CDH18: variants seen among roughly 807,000 people sequenced by gnomAD.
CDH18 encodes the protein cadherin-18.
A neutral mutation model predicts 67.9 loss-of-function variants in CDH18; 31 were observed. The observed-to-expected ratio is 0.46, with a 90% CI of 0.34 to 0.62. The LOEUF is 0.62. Ranked by LOEUF, CDH18 falls within the 20% of genes least tolerant of loss-of-function variation. The pLI, the probability that CDH18 is intolerant of heterozygous loss-of-function variation, is 0.01. For missense variants in CDH18, 890 were observed against 975.5 expected (o/e 0.91, Z 1.17); for synonymous variants, 362 against 347.2 (o/e 1.04, Z -0.48).
At chr5:19,647,231 C>T (rs551816582) in intron 5 of CDH18, among the ~76,000 whole-genome samples, 150 of 151,708 alleles carry the variant, frequency 9.9e-4, no homozygotes, top group African/African-American at 3.2e-3. Context: ...TTTAAAGATG[C>T]CTATTGTAAG....
At chr5:19,867,395 C>A (rs1434967800) in intron 2 of CDH18, among the ~76,000 whole-genome samples, 3 of 152,012 alleles carry the variant, frequency 2.0e-5, no homozygotes, top group African/African-American at 7.2e-5. Context: ...AGCTAAAGAA[C>A]ACACAATAAA....
At chr5:19,857,331 G>A (rs1008270482) in intron 2 of CDH18, among the ~76,000 whole-genome samples, 1 of 151,698 alleles carries the variant, frequency 6.6e-6, no homozygotes, top group African/African-American at 2.4e-5. Flanking sequence ...GTGTGATTTT[G>A]TGTGTGTGAG....
intron 8 of CDH18, among the ~76,000 whole-genome samples, chr5:19,546,980 A>C (rs1736440926): frequency 6.6e-6 from 1 of 152,232 alleles, no homozygotes; most frequent in African/African-American, 2.4e-5. Flanking sequence ...ACAACTCTAA[A>C]GTAAATCTTA....
intron 5 of CDH18, among the ~76,000 whole-genome samples, chr5:19,689,644 A>G (rs1353871397): frequency 6.6e-6 from 1 of 151,938 alleles, no homozygotes; most frequent in Non-Finnish European, 1.5e-5. Context: ...AAGAACTCCA[A>G]TGTTACCACT....
chr5:20,300,503 T>C (rs1747892363), intron 1 of CDH18, among the ~76,000 whole-genome samples: 1 of 152,012 alleles, frequency 6.6e-6, no homozygotes, highest in South Asian at 2.1e-4. Context: ...CACGTTGTGG[T>C]TAGAATTGCT....
intron 5 of CDH18, among the ~76,000 whole-genome samples, chr5:19,633,053 C>T (rs563972807): frequency 3.3e-5 from 5 of 152,284 alleles, no homozygotes; most frequent in African/African-American, 1.2e-4. Flanking sequence ...TGGCCTTCAG[C>T]GTGCTTATTT....
At chr5:20,342,150 A>G (rs1279612724) in intron 1 of CDH18, among the ~76,000 whole-genome samples, 2 of 152,156 alleles carry the variant, frequency 1.3e-5, no homozygotes, top group African/African-American at 2.4e-5. Flanking sequence ...TGAAAGATCC[A>G]TGCACAGCCT....
chr5:19,939,285 C>T (rs532986136), intron 2 of CDH18, among the ~76,000 whole-genome samples: 2 of 151,314 alleles, frequency 1.3e-5, no homozygotes, highest in Non-Finnish European at 3.0e-5. Context: ...TAGTCTATAG[C>T]AAATATATTT....
At chr5:19,740,882 T>C (rs546073786) in intron 4 of CDH18, among the ~76,000 whole-genome samples, 126 of 152,172 alleles carry the variant, frequency 8.3e-4, no homozygotes, top group Non-Finnish European at 1.6e-3. Context: ...TTCCATTAAA[T>C]AATTGATAGA....
chr5:20,268,266 T>C (rs1172606074), intron 1 of CDH18, among the ~76,000 whole-genome samples: 2 of 152,206 alleles, frequency 1.3e-5, no homozygotes, highest in Non-Finnish European at 2.9e-5. Context: ...ATATGCGTGA[T>C]TGTGTCTTTT....
At chr5:19,618,970 T>C (rs1246027777) in intron 5 of CDH18, among the ~76,000 whole-genome samples, 1 of 152,198 alleles carries the variant, frequency 6.6e-6, no homozygotes, top group Non-Finnish European at 1.5e-5. Flanking sequence ...GTGATTTAGG[T>C]ACCTATAAAA....
intron 1 of CDH18, among the ~76,000 whole-genome samples, chr5:20,511,293 TA>T (rs1306116136): frequency 2.0e-5 from 3 of 152,076 alleles, no homozygotes; most frequent in African/African-American, 7.2e-5. Context: ...GTATAGAAAG[TA>T]CTAACAATCC....
rs760583290 is a variant in CDH18 at position 19,747,036 on chromosome 5, G to A, written c.429C>T (p.Ser143=). Residue 143 remains serine (S), a synonymous_variant, in exon 4 of 13, where the codon TCC becomes TCT. Transcript: ENST00000382275. The part of the protein sequence containing the change: ...RRTNKPLEPE[S]EFIIKVQDIN... Reference sequence around the variant, plus strand: ...TGTCTTGCACTTTGATGATGAACTCGGATTCAGGCTCAAGAGGTTTGTTTG... The same window carrying A: ...TGTCTTGCACTTTGATGATGAACTCAGATTCAGGCTCAAGAGGTTTGTTTG... The A allele has an allele frequency of 1.3e-5, 21 of 1,613,892 alleles. No homozygotes were observed. Among genetic ancestry groups the A allele is most frequent in the Admixed American group, 1.7e-5 (1 of 59,984 alleles).
At chr5:19,886,381 G>T (rs956933981) in intron 2 of CDH18, 3 of 152,168 alleles carry the variant, frequency 2.0e-5, no homozygotes, top group African/African-American at 7.2e-5. Flanking sequence ...AGCGAAGAAA[G>T]CTAGCTGGCA....
At chr5:19,922,437 T>C (rs920917522) in intron 2 of CDH18, among the ~76,000 whole-genome samples, 4 of 152,162 alleles carry the variant, frequency 2.6e-5, no homozygotes, top group African/African-American at 9.7e-5. Context: ...CCAAAGAATT[T>C]TGTGGATATT....
intron 2 of CDH18, among the ~76,000 whole-genome samples, chr5:20,190,128 G>C (rs1411719928): frequency 6.6e-6 from 1 of 152,116 alleles, no homozygotes; most frequent in African/African-American, 2.4e-5. Context: ...TTAGCTCAGA[G>C]GCACCAGCAA....
chr5:20,177,952 TC>T (rs144835923), intron 2 of CDH18, among the ~76,000 whole-genome samples: 2,599 of 152,240 alleles, frequency 0.017, 65 homozygotes, highest in African/African-American at 0.058. Flanking sequence ...TAAACCTCTT[TC>T]TTTTGTAAAT....
chr5:20,306,823 G>T (rs1736501012), intron 1 of CDH18, among the ~76,000 whole-genome samples: 2 of 151,438 alleles, frequency 1.3e-5, no homozygotes, highest in African/African-American at 4.9e-5. Context: ...TATTTATTAT[G>T]GAATAATTTA....
intron 1 of CDH18, among the ~76,000 whole-genome samples, chr5:19,985,545 G>A (rs963829278): frequency 6.6e-6 from 1 of 151,828 alleles, no homozygotes; most frequent in Non-Finnish European, 1.5e-5. Context: ...GGATCTAGTG[G>A]GTAGAGAATA....
Sources: gnomAD v4.1 joint callset for allele counts (sites outside exome capture counted in the v4.1 genomes callset) on GRCh38, gnomAD v4.1.1 for gene constraint, MANE v1.5 for transcripts, NCBI Gene and HGNC (gene_info 2026-07-23, HGNC 2026-07-21) for gene names.